The following ADGRB3 variants were observed in gnomAD, a reference collection of about 807,000 sequenced individuals.
ADGRB3 encodes adhesion G protein-coupled receptor B3, also known as brain-specific angiogenesis inhibitor 3.
ADGRB3 carries 37 observed loss-of-function variants against 193.4 expected under a neutral mutation model. That is an observed-to-expected ratio of 0.19 (90% CI 0.15 to 0.25). ADGRB3 has a LOEUF of 0.25. Among genes scored for constraint, ADGRB3 ranks in the 10% least tolerant of loss-of-function variants. ADGRB3 has a pLI of 1.00. For synonymous variants in ADGRB3, 690 were observed against 644.2 expected (o/e 1.07, Z -1.08); for missense variants, 1,637 against 1,852.9 (o/e 0.88, Z 2.14).
At chr6:69,377,357 CA>C (rs1162647391) in intron 30 of ADGRB3, among the ~76,000 whole-genome samples, 2 of 152,008 alleles carry the variant, frequency 1.3e-5, no homozygotes, top group East Asian at 3.9e-4. Flanking sequence ...TATTCTCCTC[CA>C]AAGTAAGTCA....
intron 3 of ADGRB3, among the ~76,000 whole-genome samples, chr6:68,871,294 A>T (rs2150219843): frequency 6.6e-6 from 1 of 152,328 alleles, no homozygotes; most frequent in Middle Eastern, 3.4e-3. Flanking sequence ...ATGCTTAATT[A>T]ACATTAACAT....
At chr6:68,971,466 G>A (rs1768565651) in intron 8 of ADGRB3, among the ~76,000 whole-genome samples, 1 of 152,132 alleles carries the variant, frequency 6.6e-6, no homozygotes. Context: ...TTTTCAATAA[G>A]TGTTTAGTTG....
chr6:69,099,154 T>A (rs961904816), intron 17 of ADGRB3, among the ~76,000 whole-genome samples: 5 of 152,196 alleles, frequency 3.3e-5, no homozygotes, highest in Non-Finnish European at 5.9e-5. Flanking sequence ...ATTTAGTAGG[T>A]AGAAGTCTGA....
intron 20 of ADGRB3, among the ~76,000 whole-genome samples, chr6:69,255,282 C>A (rs1442952400): frequency 6.6e-6 from 1 of 152,160 alleles, no homozygotes; most frequent in Non-Finnish European, 1.5e-5. Flanking sequence ...GGAATCGCCA[C>A]ACTGACTTCT....
intron 17 of ADGRB3, among the ~76,000 whole-genome samples, chr6:69,211,009 C>G (rs1402949101): frequency 6.6e-6 from 1 of 151,998 alleles, no homozygotes; most frequent in Admixed American, 6.6e-5. Flanking sequence ...GTAGTCCCAG[C>G]TACGCGGGAG....
intron 20 of ADGRB3, among the ~76,000 whole-genome samples, chr6:69,258,199 G>GT (rs60391694): frequency 3.3e-5 from 5 of 151,880 alleles, no homozygotes; most frequent in African/African-American, 9.7e-5. Context: ...TATAAGAAAA[G>GT]AAAAAAATTC....
intron 3 of ADGRB3, among the ~76,000 whole-genome samples, chr6:68,930,097 C>T (rs962452525): frequency 6.6e-6 from 1 of 150,672 alleles, no homozygotes; most frequent in African/African-American, 2.4e-5. Flanking sequence ...TATTAAGTGA[C>T]TGGGTTTACC....
chr6:69,311,509 C>T (rs543587679), intron 20 of ADGRB3, among the ~76,000 whole-genome samples: 4 of 151,684 alleles, frequency 2.6e-5, no homozygotes, highest in Non-Finnish European at 4.4e-5. Context: ...TAATTCTTGG[C>T]AAAGAGAATT....
chr6:68,902,478 C>T (rs1412860856), intron 3 of ADGRB3, among the ~76,000 whole-genome samples: 1 of 151,794 alleles, frequency 6.6e-6, no homozygotes, highest in Admixed American at 6.6e-5. Flanking sequence ...GACTGCTGTC[C>T]TCTATTATGC....
chr6:68,656,431 C>T (rs1017546080), intron 3 of ADGRB3, among the ~76,000 whole-genome samples: 1 of 151,488 alleles, frequency 6.6e-6, no homozygotes, highest in Non-Finnish European at 1.5e-5. Context: ...TCATCTGTAA[C>T]ACACTGGATT....
At chr6:69,352,439 G>A (rs117884103) in intron 26 of ADGRB3, among the ~76,000 whole-genome samples, 5 of 152,324 alleles carry the variant, frequency 3.3e-5, no homozygotes, top group Non-Finnish European at 7.4e-5. Context: ...ACCTTGCTTG[G>A]TATCAGGTAA....
chr6:68,872,390 A>G (rs1416686492), intron 3 of ADGRB3, among the ~76,000 whole-genome samples: 4 of 150,058 alleles, frequency 2.7e-5, no homozygotes, highest in Admixed American at 2.6e-4. Flanking sequence ...GAAGATAAAA[A>G]TTGTCAAAAA....
chr6:69,225,066 G>A (rs1022520909), intron 17 of ADGRB3, among the ~76,000 whole-genome samples: 3 of 151,966 alleles, frequency 2.0e-5, no homozygotes, highest in African/African-American at 7.2e-5. Flanking sequence ...AACCTGTTGG[G>A]AGATTGATCC....
chr6:69,267,740 G>A (rs967102665), intron 20 of ADGRB3, among the ~76,000 whole-genome samples: 7 of 152,080 alleles, frequency 4.6e-5, no homozygotes, highest in African/African-American at 1.4e-4. Flanking sequence ...ACCAGCAGAA[G>A]CTACTAATTA....
intron 3 of ADGRB3, among the ~76,000 whole-genome samples, chr6:68,915,141 T>G (rs2150239427): frequency 6.6e-6 from 1 of 152,300 alleles, no homozygotes. Context: ...TCCTTATACT[T>G]GAGAGCATGA....
chr6:69,096,761 G>A (rs926833395), intron 17 of ADGRB3, among the ~76,000 whole-genome samples: 3 of 152,158 alleles, frequency 2.0e-5, no homozygotes, highest in Admixed American at 6.5e-5. Flanking sequence ...CAGCTTCACT[G>A]TAGAAGATGA....
intron 30 of ADGRB3, among the ~76,000 whole-genome samples, chr6:69,381,435 G>A (rs1271658729): frequency 6.6e-6 from 1 of 151,872 alleles, no homozygotes. Context: ...GAAACTGATT[G>A]TTGCAAGACA....
chr6:68,811,496 TCTCA>T (rs2127375811), intron 3 of ADGRB3, among the ~76,000 whole-genome samples: 1 of 152,220 alleles, frequency 6.6e-6, no homozygotes, highest in South Asian at 2.1e-4. Flanking sequence ...TGAGACAGAG[TCTCA>T]CTCTGCTGCC....
At chr6:68,792,389 T>C (rs138759466) in intron 3 of ADGRB3, among the ~76,000 whole-genome samples, 2 of 152,206 alleles carry the variant, frequency 1.3e-5, no homozygotes, top group Admixed American at 6.5e-5. Flanking sequence ...TGAGCATTAA[T>C]GCTTGGCCTT....
Sources: allele counts gnomAD v4.1 joint callset (sites outside exome capture counted in the v4.1 genomes callset), GRCh38; gene constraint gnomAD v4.1.1; transcripts MANE v1.5; gene names NCBI Gene and HGNC (gene_info 2026-07-23, HGNC 2026-07-21).